Variants in HUNK observed in about 807,000 individuals in gnomAD.
HUNK encodes hormonally up-regulated Neu-associated kinase, also known as hormonally up-regulated neu tumor-associated kinase.
Under a neutral mutation model 61.0 loss-of-function variants are expected in HUNK, and 21 were observed. The observed-to-expected ratio is 0.34, with a 90% CI of 0.24 to 0.50. The LOEUF is 0.50. Ranked by LOEUF, HUNK falls within the 20% of genes least tolerant of loss-of-function variation. The probability of loss-of-function intolerance (pLI) is 0.98; values close to 1 mark genes in which losing one functional copy is unlikely to be tolerated. For missense variants in HUNK, 772 were observed against 945.7 expected, an observed-to-expected ratio of 0.82 and a Z score of 2.41; for synonymous variants, 371 against 386.1, an observed-to-expected ratio of 0.96 and a Z score of 0.46.
chr21:31,874,291 G>A lies in HUNK; in HGVS notation c.261+356G>A, dbSNP rs867754768. The stretch of plus-strand genomic sequence containing the variant: ...CCGGCAGGGGCGGCGGATCCGTGGC[G>A]AGGCGGGAACCAGGGCTAGAGGAGG... On this transcript the variant is annotated intron_variant, in intron 1 of 10. Coordinates refer to ENST00000270112, the MANE Select transcript of HUNK (RefSeq NM_014586.2). Among the ~76,000 whole-genome samples the A allele has an allele frequency of 2.7e-4, 40 of 150,892 alleles. No individual in the cohort carries two copies. The Middle Eastern group carries it at 0.014, about 51-fold the overall frequency.
chr21:31,928,810 T>C (rs770939870), intron 2 of HUNK, among the ~76,000 whole-genome samples: 7 of 152,240 alleles, frequency 4.6e-5, no homozygotes, highest in Non-Finnish European at 8.8e-5. Context: ...TGTTCTTTGC[T>C]GGAGCGCTTT....
At chr21:31,995,558 T>C (rs535152179) in intron 9 of HUNK, among the ~76,000 whole-genome samples, 122 of 152,304 alleles carry the variant, frequency 8.0e-4, no homozygotes, top group African/African-American at 2.8e-3. Context: ...CTGGGGTCCA[T>C]TGAAGGCCTC....
At chr21:31,981,842 T>C (rs1163321026) in intron 7 of HUNK, among the ~76,000 whole-genome samples, 1 of 152,002 alleles carries the variant, frequency 6.6e-6, no homozygotes, top group Non-Finnish European at 1.5e-5. Flanking sequence ...ATCCCTTTTA[T>C]TTATTTATTT....
chr21:31,885,881 C>T (rs1312192107), intron 1 of HUNK, among the ~76,000 whole-genome samples: 4 of 152,074 alleles, frequency 2.6e-5, no homozygotes, highest in East Asian at 1.9e-4. Flanking sequence ...ATGACAGGCA[C>T]GCGCCACCAT....
chr21:31,952,673 C>T (rs945998789), intron 4 of HUNK, among the ~76,000 whole-genome samples: 6 of 151,932 alleles, frequency 3.9e-5, no homozygotes, highest in African/African-American at 9.7e-5. Context: ...CAAGCTTTCC[C>T]GTTTGTATTT....
chr21:31,939,683 T>A (rs941656217), intron 2 of HUNK, among the ~76,000 whole-genome samples: 6 of 151,564 alleles, frequency 4.0e-5, no homozygotes, highest in African/African-American at 1.5e-4. Flanking sequence ...GCTGGGATTA[T>A]AGGCGTGAGC....
At chr21:31,899,253 A>C (rs963008750) in intron 1 of HUNK, among the ~76,000 whole-genome samples, 1 of 152,180 alleles carries the variant, frequency 6.6e-6, no homozygotes, top group African/African-American at 2.4e-5. Flanking sequence ...ATTATCTCAC[A>C]GTTCTGGAGG....
At chr21:31,968,722 G>T in intron 6 of HUNK, among the ~76,000 whole-genome samples, 1 of 130,626 alleles carries the variant, frequency 7.7e-6, no homozygotes, top group Admixed American at 7.4e-5. Context: ...CCGAGTGTGT[G>T]TGTGTGTGTG....
chr21:31,905,539 AC>A (rs2052499211), intron 1 of HUNK, among the ~76,000 whole-genome samples: 2 of 152,276 alleles, frequency 1.3e-5, no homozygotes, highest in African/African-American at 4.8e-5. Flanking sequence ...GTGTGTGCAA[AC>A]CTGCGCCCAC....
chr21:31,976,411 T>C (rs2053049205), intron 7 of HUNK, among the ~76,000 whole-genome samples: 1 of 150,602 alleles, frequency 6.6e-6, no homozygotes, highest in African/African-American at 2.5e-5. Context: ...CATACTGGAC[T>C]TGAAGCTGTT....
intron 1 of HUNK, among the ~76,000 whole-genome samples, chr21:31,901,819 T>A (rs2052470015): frequency 6.6e-6 from 1 of 152,116 alleles, no homozygotes; most frequent in African/African-American, 2.4e-5. Flanking sequence ...TTTTCTTTGG[T>A]CACATTGAAC....
At chr21:31,925,196 G>A (rs2052651877) in intron 2 of HUNK, among the ~76,000 whole-genome samples, 1 of 152,206 alleles carries the variant, frequency 6.6e-6, no homozygotes, top group African/African-American at 2.4e-5. Context: ...AGTAGAATCT[G>A]AAGCCAGAGT....
chr21:31,930,261 C>A (rs1305326378), intron 2 of HUNK, among the ~76,000 whole-genome samples: 1 of 152,230 alleles, frequency 6.6e-6, no homozygotes, highest in Admixed American at 6.5e-5. Context: ...TTATCCACTT[C>A]ACATGGCTGT....
At chr21:31,929,482 A>G (rs1299301304) in intron 2 of HUNK, among the ~76,000 whole-genome samples, 2 of 152,240 alleles carry the variant, frequency 1.3e-5, no homozygotes, top group Non-Finnish European at 2.9e-5. Context: ...ACTGAGCAGG[A>G]TGCCAAAATC....
intron 6 of HUNK, among the ~76,000 whole-genome samples, chr21:31,969,010 C>G (rs2052991114): frequency 6.6e-6 from 1 of 151,986 alleles, no homozygotes; most frequent in African/African-American, 2.4e-5. Context: ...TCCTGAGGAG[C>G]TGGGATTACA....
chr21:31,905,200 A>G (rs2052497016), intron 1 of HUNK, among the ~76,000 whole-genome samples: 1 of 152,190 alleles, frequency 6.6e-6, no homozygotes. Flanking sequence ...AGACCGCATG[A>G]AGACACAAGG....
In HUNK at chr21:31,934,360, A is replaced by G. The variant is rs553379541; in HGVS notation, c.555-5805A>G. On this transcript the variant is annotated intron_variant, in intron 2 of 10. Coordinates refer to ENST00000270112, the MANE Select transcript of HUNK (RefSeq NM_014586.2). ...CAGGAGGCTGAGGCAGGAGAATGGC[A>G]TGAACCCGGGAAGCGGAACTTGCAG... is the stretch of plus-strand genomic sequence containing the variant. 1.2e-3 allele frequency among the ~76,000 whole-genome samples: 173 copies of G among 149,738 alleles called. 1 individual carries two copies. Among genetic ancestry groups the G allele is most frequent in the Non-Finnish European group, 2.4e-4 (16 of 67,648 alleles).
chr21:31,938,112 C>A (rs2052743964), intron 2 of HUNK, among the ~76,000 whole-genome samples: 1 of 152,056 alleles, frequency 6.6e-6, no homozygotes, highest in African/African-American at 2.4e-5. Flanking sequence ...ACCTTTTTTT[C>A]TGCATTTGAC....
intron 7 of HUNK, among the ~76,000 whole-genome samples, chr21:31,975,919 A>G (rs2053045661): frequency 6.6e-6 from 1 of 152,220 alleles, no homozygotes. Context: ...AAGATGCTCC[A>G]CGGGAGGTTG....
Sources: allele counts gnomAD v4.1 joint callset (sites outside exome capture counted in the v4.1 genomes callset), GRCh38; gene constraint gnomAD v4.1.1; transcripts MANE v1.5; gene names NCBI Gene and HGNC (gene_info 2026-07-23, HGNC 2026-07-21).